Variants in NXPH1 observed in about 807,000 individuals in gnomAD.
NXPH1 encodes neurexophilin 1.
Under a neutral mutation model 23.7 loss-of-function variants are expected in NXPH1, and 5 were observed. The ratio of observed to expected loss-of-function variants is 0.21; its 90% CI spans 0.11 to 0.44. NXPH1 has a LOEUF of 0.44. NXPH1 is among the 20% of genes least tolerant of loss of function. NXPH1 has a pLI of 0.99. For synonymous variants in NXPH1, 144 were observed against 122.2 expected (o/e 1.18, Z -1.18); for missense variants, 324 against 321.6 (o/e 1.01, Z -0.06).
At chr7:8,450,859 T>C (rs1376841616) in intron 2 of NXPH1, among the ~76,000 whole-genome samples, 1 of 152,266 alleles carries the variant, frequency 6.6e-6, no homozygotes, top group African/African-American at 2.4e-5. Flanking sequence ...GTTCTATTAG[T>C]TTCTAGTAAT....
At chr7:8,483,976 T>TTTTTTTTTTTTC (rs1817117835) in intron 2 of NXPH1, among the ~76,000 whole-genome samples, 1 of 151,608 alleles carries the variant, frequency 6.6e-6, no homozygotes, top group African/African-American at 2.4e-5. Flanking sequence ...TTTTTTTTTT[T>TTTTTTTTTTTTC]TTTTTTAAGA....
intron 2 of NXPH1, among the ~76,000 whole-genome samples, chr7:8,583,882 T>C (rs1818929408): frequency 6.6e-6 from 1 of 152,160 alleles, no homozygotes. Flanking sequence ...TGGAGCTCTT[T>C]GTTGGATATG....
In NXPH1 at chr7:8,536,082, T is replaced by C. The variant is rs968762733; in HGVS notation, c.54+100315T>C. Among the ~76,000 whole-genome samples, 2 of 152,044 alleles carry C rather than the reference T, an allele frequency of 1.3e-5. 1 individual carries two copies. The highest frequency in any genetic ancestry group is 4.1e-4 in the South Asian group (2 of 4,834). On this transcript the variant is annotated intron_variant, in intron 2 of 2. Transcript: ENST00000405863. ...ACTTTTGTAATAGGAATCACATTTG[T>C]AATTGTGTGTTTATTATCGGTCTTC...
chr7:8,594,593 G>A (rs1158562270), intron 2 of NXPH1, among the ~76,000 whole-genome samples: 4 of 151,906 alleles, frequency 2.6e-5, no homozygotes, highest in African/African-American at 9.7e-5. Flanking sequence ...TAAGTGAGGA[G>A]GTTCTGACCT....
chr7:8,668,438 A>T (rs2115167788), intron 2 of NXPH1, among the ~76,000 whole-genome samples: 1 of 152,286 alleles, frequency 6.6e-6, no homozygotes, highest in Admixed American at 6.5e-5. Flanking sequence ...TTGCTACTGG[A>T]GTTCTCATGC....
chr7:8,578,792 A>G (rs1818805344), intron 2 of NXPH1, among the ~76,000 whole-genome samples: 1 of 152,236 alleles, frequency 6.6e-6, no homozygotes, highest in African/African-American at 2.4e-5. Context: ...AGCCAAAGTA[A>G]TATAAGGACC....
chr7:8,449,496 A>C (rs1394084075), intron 2 of NXPH1, among the ~76,000 whole-genome samples: 3 of 152,204 alleles, frequency 2.0e-5, no homozygotes, highest in African/African-American at 4.8e-5. Flanking sequence ...ATAAGATGAC[A>C]TGTACTATTA....
At chr7:8,441,643 A>T (rs1478208438) in intron 2 of NXPH1, among the ~76,000 whole-genome samples, 1 of 152,150 alleles carries the variant, frequency 6.6e-6, no homozygotes, top group African/African-American at 2.4e-5. Flanking sequence ...GGAAATGCCA[A>T]CCCAGATCAG....
chr7:8,602,637 C>T (rs1050521608), intron 2 of NXPH1, among the ~76,000 whole-genome samples: 7 of 152,142 alleles, frequency 4.6e-5, no homozygotes, highest in African/African-American at 7.2e-5. Flanking sequence ...TGTTTACATA[C>T]TGTTTTCTCT....
intron 2 of NXPH1, among the ~76,000 whole-genome samples, chr7:8,721,283 A>G (rs1355815812): frequency 6.6e-6 from 1 of 152,104 alleles, no homozygotes; most frequent in African/African-American, 2.4e-5. Flanking sequence ...TAAGACAGCA[A>G]TAAAGTTAAT....
At chr7:8,510,664 AATAC>A (rs1817596125) in intron 2 of NXPH1, among the ~76,000 whole-genome samples, 1 of 152,176 alleles carries the variant, frequency 6.6e-6, no homozygotes. Flanking sequence ...GAATTATACA[AATAC>A]ATAGTCATAT....
At chr7:8,659,638 G>A (rs1043567685) in intron 2 of NXPH1, among the ~76,000 whole-genome samples, 3 of 152,108 alleles carry the variant, frequency 2.0e-5, no homozygotes, top group Non-Finnish European at 4.4e-5. Context: ...TGTAAATGAC[G>A]AGTTAATGGG....
intron 2 of NXPH1, among the ~76,000 whole-genome samples, chr7:8,464,232 C>T (rs1168367838): frequency 6.6e-6 from 1 of 152,138 alleles, no homozygotes; most frequent in Non-Finnish European, 1.5e-5. Flanking sequence ...ATCTTTATAT[C>T]CCCCCGTAAA....
intron 2 of NXPH1, among the ~76,000 whole-genome samples, chr7:8,604,255 T>C (rs1465192555): frequency 2.0e-5 from 3 of 152,290 alleles, no homozygotes; most frequent in Admixed American, 2.0e-4. Context: ...GTTGATTCAA[T>C]GTTCTCTGCA....
rs1779695652 is a variant in NXPH1 at position 8,705,812 on chromosome 7, C to CAT, written c.55-45195_55-45194dup. Among the ~76,000 whole-genome samples, 5 of 152,280 alleles carry CAT rather than the reference C, an allele frequency of 3.3e-5. 1 individual carries two copies. In the South Asian group the frequency reaches 1.0e-3, roughly 32 times the overall value. On this transcript the variant is annotated intron_variant, in intron 2 of 2. Transcript: ENST00000405863. ...AAGTCTTACCTCAGGGCTATGTCAA[C>CAT]ATTTCTCTCTGCCATAATTCAGTCC...
intron 2 of NXPH1, among the ~76,000 whole-genome samples, chr7:8,448,396 C>G (rs1816442973): frequency 6.6e-6 from 1 of 152,234 alleles, no homozygotes; most frequent in Admixed American, 6.5e-5. Flanking sequence ...AGGGCTGATT[C>G]TATCCTAGGG....
intron 2 of NXPH1, among the ~76,000 whole-genome samples, chr7:8,480,525 C>T (rs992250497): frequency 5.3e-5 from 8 of 152,272 alleles, no homozygotes; most frequent in Non-Finnish European, 1.0e-4. Flanking sequence ...AACAAGGTGA[C>T]ATAGGCTCGT....
intron 2 of NXPH1, among the ~76,000 whole-genome samples, chr7:8,464,123 T>C (rs942534076): frequency 2.0e-5 from 3 of 152,148 alleles, no homozygotes; most frequent in Admixed American, 6.6e-5. Flanking sequence ...CTCCTCACTC[T>C]TCCTTCTCCC....
At chr7:8,737,960 C>G (rs573835368) in intron 2 of NXPH1, among the ~76,000 whole-genome samples, 2 of 152,300 alleles carry the variant, frequency 1.3e-5, no homozygotes, top group Admixed American at 6.5e-5. Flanking sequence ...ATGAAGTTCT[C>G]GTGCTGTGTT....
Sources: gnomAD v4.1 joint callset for allele counts (sites outside exome capture counted in the v4.1 genomes callset) on GRCh38, gnomAD v4.1.1 for gene constraint, MANE v1.5 for transcripts, NCBI Gene and HGNC (gene_info 2026-07-23, HGNC 2026-07-21) for gene names.